NKAIN3: variants seen among roughly 807,000 people sequenced by gnomAD.
The protein encoded by NKAIN3 is sodium/potassium-transporting ATPase subunit beta-1-interacting protein 3.
A neutral mutation model predicts 30.2 loss-of-function variants in NKAIN3; 25 were observed. That is an observed-to-expected ratio of 0.83 (90% CI 0.60 to 1.16). NKAIN3 has a LOEUF of 1.16. Among genes scored for constraint, NKAIN3 ranks in the 50% most tolerant of loss-of-function variants. The pLI is 0.00. For missense variants in NKAIN3, 225 were observed against 254.1 expected (o/e 0.89, Z 0.78); for synonymous variants, 91 against 89.6 (o/e 1.02, Z -0.09).
intron 1 of NKAIN3, among the ~76,000 whole-genome samples, chr8:62,352,777 C>T (rs73684967): frequency 0.072 from 10,887 of 152,152 alleles, 1,324 homozygotes; most frequent in African/African-American, 0.25. Context: ...GCGTGTCTCC[C>T]GTCTTCTCGG....
intron 1 of NKAIN3, among the ~76,000 whole-genome samples, chr8:62,436,371 A>G (rs1805174854): frequency 6.6e-6 from 1 of 152,106 alleles, no homozygotes; most frequent in African/African-American, 2.4e-5. Flanking sequence ...TTATACATGA[A>G]GCTATTTTTT....
At chr8:62,646,078 A>G (rs1371812083) in intron 3 of NKAIN3, among the ~76,000 whole-genome samples, 7 of 151,688 alleles carry the variant, frequency 4.6e-5, no homozygotes, top group Admixed American at 4.6e-4. Flanking sequence ...TATATATAAT[A>G]ACTATTATAT....
intron 1 of NKAIN3, among the ~76,000 whole-genome samples, chr8:62,288,791 G>A (rs1175032316): frequency 3.3e-5 from 5 of 152,176 alleles, no homozygotes; most frequent in East Asian, 3.8e-4. Flanking sequence ...GGTATTTCTA[G>A]TTCTAGATCC....
chr8:62,601,932 G>A (rs1810994902), intron 3 of NKAIN3, among the ~76,000 whole-genome samples: 1 of 151,936 alleles, frequency 6.6e-6, no homozygotes, highest in East Asian at 1.9e-4. Context: ...TTTTTATAGT[G>A]AGATAATTTG....
chr8:62,801,762 G>T (rs1818071995), intron 4 of NKAIN3, among the ~76,000 whole-genome samples: 1 of 152,234 alleles, frequency 6.6e-6, no homozygotes, highest in African/African-American at 2.4e-5. Context: ...GAACAAAGCT[G>T]GACGGAGAAT....
chr8:62,297,667 G>C (rs1310383570), intron 1 of NKAIN3, among the ~76,000 whole-genome samples: 1 of 151,734 alleles, frequency 6.6e-6, no homozygotes, highest in African/African-American at 2.4e-5. Flanking sequence ...AAAAAGTCAG[G>C]AAACAACAGG....
At chr8:62,821,876 T>A (rs1818858200) in intron 4 of NKAIN3, among the ~76,000 whole-genome samples, 2 of 151,696 alleles carry the variant, frequency 1.3e-5, no homozygotes, top group Non-Finnish European at 2.9e-5. Context: ...TAATGAATTT[T>A]TATTTGCCAA....
intron 5 of NKAIN3, among the ~76,000 whole-genome samples, chr8:62,994,661 C>T (rs1804061437): frequency 6.6e-6 from 1 of 152,162 alleles, no homozygotes; most frequent in Non-Finnish European, 1.5e-5. Context: ...CTGGAACATT[C>T]CAGAGAAGGA....
chr8:62,505,511 A>G (rs933255948), intron 1 of NKAIN3, among the ~76,000 whole-genome samples: 5 of 152,206 alleles, frequency 3.3e-5, no homozygotes, highest in African/African-American at 1.2e-4. Flanking sequence ...TAATAAATAT[A>G]GAAGCATGGT....
chr8:62,688,095 C>T (rs765441280), intron 3 of NKAIN3, among the ~76,000 whole-genome samples: 2 of 152,208 alleles, frequency 1.3e-5, no homozygotes, highest in Non-Finnish European at 2.9e-5. Context: ...ATGTTCCTGA[C>T]AGATGGTCAA....
chr8:62,885,966 A>G (rs1821134993), intron 4 of NKAIN3, among the ~76,000 whole-genome samples: 1 of 152,168 alleles, frequency 6.6e-6, no homozygotes, highest in Admixed American at 6.5e-5. Context: ...TGGTATACTT[A>G]GATCATTGGC....
intron 4 of NKAIN3, among the ~76,000 whole-genome samples, chr8:62,884,677 G>A (rs545899830): frequency 1.3e-5 from 2 of 152,168 alleles, no homozygotes; most frequent in African/African-American, 4.8e-5. Context: ...AATAGATATA[G>A]CCCTGTTTAA....
At chr8:62,471,544 AG>A (rs1563413659) in intron 1 of NKAIN3, among the ~76,000 whole-genome samples, 1 of 152,222 alleles carries the variant, frequency 6.6e-6, no homozygotes, top group African/African-American at 2.4e-5. Context: ...GCAAACACTC[AG>A]CTGTCTCCTG....
intron 3 of NKAIN3, among the ~76,000 whole-genome samples, chr8:62,607,179 T>C (rs1270598172): frequency 6.6e-6 from 1 of 152,172 alleles, no homozygotes; most frequent in East Asian, 1.9e-4. Flanking sequence ...ACAGAAAAGA[T>C]TAGGCCAGTT....
intron 3 of NKAIN3, among the ~76,000 whole-genome samples, chr8:62,658,877 TG>T (rs1812851197): frequency 6.6e-6 from 1 of 152,022 alleles, no homozygotes; most frequent in Admixed American, 6.6e-5. Context: ...CAAAATGTTC[TG>T]CATATTTACA....
chr8:62,897,664 G>C (rs961250364), intron 4 of NKAIN3, among the ~76,000 whole-genome samples: 2 of 152,164 alleles, frequency 1.3e-5, no homozygotes, highest in Non-Finnish European at 2.9e-5. Flanking sequence ...GCAATACTGG[G>C]AGGTGACTCC....
At chr8:62,663,057 A>G (rs1812993144) in intron 3 of NKAIN3, among the ~76,000 whole-genome samples, 1 of 152,238 alleles carries the variant, frequency 6.6e-6, no homozygotes, top group African/African-American at 2.4e-5. Context: ...GAGAAATAGA[A>G]TTACAGACAT....
At chr8:62,521,835 T>G (rs1808169038) in intron 1 of NKAIN3, among the ~76,000 whole-genome samples, 2 of 152,184 alleles carry the variant, frequency 1.3e-5, no homozygotes, top group African/African-American at 4.8e-5. Context: ...TTTTCCTGGA[T>G]AAGATTTAGT....
At chr8:62,442,495 G>C (rs1805357705) in intron 1 of NKAIN3, among the ~76,000 whole-genome samples, 1 of 151,832 alleles carries the variant, frequency 6.6e-6, no homozygotes. Context: ...TGAAAAATAA[G>C]TATTAACAGA....
Sources: gnomAD v4.1 joint callset for allele counts (sites outside exome capture counted in the v4.1 genomes callset) on GRCh38, gnomAD v4.1.1 for gene constraint, MANE v1.5 for transcripts, NCBI Gene and HGNC (gene_info 2026-07-23, HGNC 2026-07-21) for gene names.